TRPM7: variants seen among roughly 807,000 people sequenced by gnomAD.
TRPM7 encodes LTRPC ion channel family member 7.
TRPM7 carries 134 observed loss-of-function variants against 229.7 expected under a neutral mutation model. That is an observed-to-expected ratio of 0.58 (90% CI 0.51 to 0.67). TRPM7 has a LOEUF of 0.67. Among genes scored for constraint, TRPM7 ranks in the 30% least tolerant of loss-of-function variants. The pLI is 0.00. For synonymous variants in TRPM7, 699 were observed against 715.2 expected (o/e 0.98, Z 0.36); for missense variants, 1,901 against 2,210.0 (o/e 0.86, Z 2.80).
At chr15:50,648,283 GAAAA>G (rs1001587470) in intron 4 of TRPM7, among the ~76,000 whole-genome samples, 1 of 150,700 alleles carries the variant, frequency 6.6e-6, no homozygotes, top group African/African-American at 2.4e-5. Flanking sequence ...AATAATACAA[GAAAA>G]AAAACAGAAC....
At chr15:50,616,352 A>G (rs1360973695) in intron 13 of TRPM7, among the ~76,000 whole-genome samples, 2 of 152,206 alleles carry the variant, frequency 1.3e-5, no homozygotes, top group Non-Finnish European at 1.5e-5. Flanking sequence ...AAATTCTCAC[A>G]TTTGTTTCCA....
chr15:50,671,639 T>C (rs1225238998), intron 1 of TRPM7, among the ~76,000 whole-genome samples: 1 of 99,522 alleles, frequency 1.0e-5, no homozygotes, highest in Admixed American at 1.1e-4. Flanking sequence ...TGAGATCCTG[T>C]CGCTACAAAA....
chr15:50,588,402 GTTAA>G (rs951282116), intron 27 of TRPM7, among the ~76,000 whole-genome samples: 54 of 66,634 alleles, frequency 8.1e-4, no homozygotes, highest in African/African-American at 1.8e-3. Flanking sequence ...ATTAAATTAA[GTTAA>G]TTGATTTAGT....
At chr15:50,621,157 C>CAAAAAAAA (rs35848629) in intron 12 of TRPM7, among the ~76,000 whole-genome samples, 1 of 51,848 alleles carries the variant, frequency 1.9e-5, no homozygotes, top group African/African-American at 6.2e-5. Context: ...GACTCCGTCT[C>CAAAAAAAA]AAAAAAAAAA....
intron 23 of TRPM7, among the ~76,000 whole-genome samples, chr15:50,595,394 G>A (rs1394012942): frequency 6.6e-6 from 1 of 151,406 alleles, no homozygotes; most frequent in African/African-American, 2.4e-5. Context: ...ACTACAATGT[G>A]GTGTTTAGGA....
intron 2 of TRPM7, among the ~76,000 whole-genome samples, chr15:50,662,124 G>A (rs1362723730): frequency 1.3e-5 from 2 of 152,144 alleles, no homozygotes; most frequent in Non-Finnish European, 2.9e-5. Flanking sequence ...GGAGGCCAAG[G>A]CAGGTGGATC....
In TRPM7 at chr15:50,592,429, CTCAGT is replaced by C; in HGVS notation, c.3801_3805del (p.Leu1268HisfsTer11). On this transcript the variant is annotated frameshift_variant, in exon 26 of 39. Transcript: ENST00000646667. LOFTEE classifies it high-confidence loss of function. ...GTTTTGAGCCAAGTGTTTGGAAATG[CTCAGT>C]TCTCGTGTGATTTCATTATGAACTT... 6.2e-7 allele frequency: 1 copy of C among 1,614,162 alleles called. No homozygotes were observed.
chr15:50,647,892 A>C lies in TRPM7; in HGVS notation c.321+795T>G, dbSNP rs149334255. 1.4e-3 allele frequency among the ~76,000 whole-genome samples: 208 copies of C among 152,304 alleles called. No homozygotes were observed. The Middle Eastern group carries it at 0.017, about 12-fold the overall frequency. On this transcript the variant is annotated intron_variant, in intron 4 of 38. Transcript: ENST00000646667. The stretch of plus-strand genomic sequence containing the variant: ...GTGTAGACTTTATTTACCTGTCATT[A>C]TTCCTTAACAGTGCAATTTAACAAC...
intron 38 of TRPM7, among the ~76,000 whole-genome samples, chr15:50,566,424 G>A (rs983270500): frequency 3.9e-5 from 6 of 152,122 alleles, no homozygotes; most frequent in South Asian, 2.1e-4. Context: ...GAGGCCGGGC[G>A]CAGTGGCTTA....
chr15:50,573,440 A>G lies in TRPM7; in HGVS notation c.5308+834T>C, dbSNP rs1203873229. 2.6e-5 allele frequency among the ~76,000 whole-genome samples: 4 copies of G among 152,250 alleles called. No individual in the cohort carries two copies. The East Asian group carries it at 5.8e-4, about 22-fold the overall frequency. ...TTGACAGTGAACAGAGACCTCAGACATTTGACTCCAGTCAAGCTGTTCAAT... is the reference window on the plus strand; with the variant it reads ...TTGACAGTGAACAGAGACCTCAGACGTTTGACTCCAGTCAAGCTGTTCAAT... On this transcript the variant is annotated intron_variant, in intron 36 of 38. Coordinates refer to ENST00000646667, the MANE Select transcript of TRPM7 (RefSeq NM_017672.6).
chr15:50,607,336 A>T lies in TRPM7; in HGVS notation c.2581-8T>A, dbSNP rs771453575. On this transcript the variant is annotated splice_region_variant and splice_polypyrimidine_tract_variant and intron_variant, in intron 19 of 38. Transcript: ENST00000646667. ...AAATCCTAAATATGCCAACTAATGA[A>T]AAAGTAAAGGTTACATAAATAACAT... The T allele has an allele frequency of 2.6e-6, 4 of 1,558,092 alleles. No homozygotes were observed. In the African/African-American group the frequency reaches 4.1e-5, roughly 16 times the overall value.
chr15:50,675,471 T>C (rs566552337), intron 1 of TRPM7, among the ~76,000 whole-genome samples: 4 of 152,296 alleles, frequency 2.6e-5, no homozygotes, highest in Admixed American at 2.0e-4. Flanking sequence ...TTCCCACACG[T>C]AGCATTCTCA....
At chr15:50,625,491 C>T (rs1165061951) in intron 11 of TRPM7, among the ~76,000 whole-genome samples, 3 of 152,260 alleles carry the variant, frequency 2.0e-5, no homozygotes, top group African/African-American at 7.2e-5. Context: ...TCACTGCAGC[C>T]TCAAACTCAG....
chr15:50,557,297 T>C lies in TRPM7; in HGVS notation c.*4381A>G, dbSNP rs1229007265. 2.0e-5 allele frequency: 3 copies of C among 152,242 alleles called. No homozygotes were observed. Among genetic ancestry groups the C allele is most frequent in the East Asian group, 3.8e-4 (2 of 5,196 alleles). The allele number at this position is 152,242 out of a possible 1,614,324, so 9.4% of individuals were successfully genotyped here. On this transcript the variant is annotated 3_prime_UTR_variant, in exon 39 of 39. Transcript: ENST00000646667. The stretch of plus-strand genomic sequence containing the variant: ...AAACATTTTGTCATTCAGATTTTTT[T>C]TTCTTACAGTATGCCCATCACAAAC...
intron 1 of TRPM7, among the ~76,000 whole-genome samples, chr15:50,669,997 G>C (rs1216439422): frequency 6.6e-6 from 1 of 152,148 alleles, no homozygotes; most frequent in Non-Finnish European, 1.5e-5. Flanking sequence ...TGCAGGATAA[G>C]CTTACTGAAT....
At position 50,620,089 on chromosome 15, in the gene TRPM7, C is replaced by T. The variant is rs150543899; in HGVS notation, c.1441-291G>A. The stretch of plus-strand genomic sequence containing the variant: ...TACATTTCTTTCATTGATAATGGCG[C>T]TGTACAATACCTTTCTTCTTGTTAA... On this transcript the variant is annotated intron_variant, in intron 12 of 38. Transcript: ENST00000646667. Among the ~76,000 whole-genome samples the T allele has an allele frequency of 3.9e-5, 6 of 152,246 alleles. No homozygotes were observed. The East Asian group carries it at 1.2e-3, about 29-fold the overall frequency.
chr15:50,654,564 A>G (rs11636576), intron 3 of TRPM7, among the ~76,000 whole-genome samples: 83,848 of 151,330 alleles, frequency 0.55, 24,367 homozygotes, highest in Admixed American at 0.63. Flanking sequence ...TAATGCAGGT[A>G]TTATAAATAT....
intron 13 of TRPM7, among the ~76,000 whole-genome samples, chr15:50,614,961 G>C (rs1473765209): frequency 6.6e-6 from 1 of 151,874 alleles, no homozygotes; most frequent in Non-Finnish European, 1.5e-5. Context: ...CCTGAGGTTG[G>C]GAGTTCGAGA....
chr15:50,657,830 C>T lies in TRPM7; in HGVS notation c.84-11G>A, dbSNP rs777961715. On this transcript the variant is annotated splice_polypyrimidine_tract_variant and intron_variant, in intron 2 of 38. Coordinates refer to ENST00000646667, the MANE Select transcript of TRPM7 (RefSeq NM_017672.6). ...CATCCTGGAAGGCATCTATTGAACA[C>T]AAAAAGGTAAATAAATTATTTCAGG... is the stretch of plus-strand genomic sequence containing the variant. The T allele has an allele frequency of 5.0e-6, 8 of 1,606,004 alleles. No individual in the cohort carries two copies. The Admixed American group carries it at 1.2e-4, about 24-fold the overall frequency.
Sources: gnomAD v4.1 joint callset for allele counts (sites outside exome capture counted in the v4.1 genomes callset) on GRCh38, gnomAD v4.1.1 for gene constraint, MANE v1.5 for transcripts, NCBI Gene and HGNC (gene_info 2026-07-23, HGNC 2026-07-21) for gene names.